PARN: variants seen among roughly 807,000 people sequenced by gnomAD.
PARN encodes the protein poly(A)-specific ribonuclease PARN.
PARN carries 71 observed loss-of-function variants against 102.8 expected under a neutral mutation model. The ratio of observed to expected loss-of-function variants is 0.69; its 90% CI spans 0.57 to 0.84. PARN has a LOEUF of 0.84. Among genes scored for constraint, PARN ranks in the 40% least tolerant of loss-of-function variants. PARN has a pLI of 0.00. For missense variants in PARN, 782 were observed against 760.9 expected (o/e 1.03, Z -0.33); for synonymous variants, 261 against 252.9 (o/e 1.03, Z -0.30).
chr16:14,618,924 G>A (rs980242749), intron 5 of PARN, among the ~76,000 whole-genome samples: 5 of 152,076 alleles, frequency 3.3e-5, no homozygotes, highest in African/African-American at 4.8e-5. Context: ...AACCAGGCAC[G>A]GTGGCTCGCA....
In PARN at chr16:14,629,632, T is replaced by C. The variant is rs764800350; in HGVS notation, c.62A>G (p.Glu21Gly). The C allele has an allele frequency of 2.5e-6, 4 of 1,613,612 alleles. No individual in the cohort carries two copies. The South Asian group carries it at 4.4e-5, about 18-fold the overall frequency. ...NLHKVYQAIE[E>G]ADFFAIDGEF... ...CCCATCGATGGCGAAGAAGTCGGCC[T>C]CCTCTATGGCCTGGTACACTTTGTG... Residue 21 changes from glutamate to glycine, a missense_variant, in exon 2 of 24, where the codon GAG becomes GGG. By Grantham distance (98) the Glu-to-Gly change is moderately conservative (BLOSUM62 -2). Transcript: ENST00000437198.
chr16:14,599,103 C>T (rs1046479289), intron 12 of PARN, among the ~76,000 whole-genome samples: 4 of 130,062 alleles, frequency 3.1e-5, no homozygotes, highest in Non-Finnish European at 4.6e-5. Context: ...GGTGCAATGG[C>T]GTGATCACAG....
Position 14,606,532 on chromosome 16 carries a change from GA to G in PARN, c.660-7del. 2 of 1,544,150 alleles carry G rather than the reference GA, an allele frequency of 1.3e-6. No homozygotes were observed. Among genetic ancestry groups the G allele is most frequent in the Non-Finnish European group, 1.8e-6 (2 of 1,128,026 alleles). ...CATGAATGCCTTTCGGATACCTAAA[GA>G]AAAGAAAAACATAGTATCAGTAGAT... On this transcript the variant is annotated splice_polypyrimidine_tract_variant and splice_region_variant and intron_variant, in intron 9 of 23. Coordinates refer to ENST00000437198, the MANE Select transcript of PARN (RefSeq NM_002582.4).
At chr16:14,581,723 C>A (rs770223715) in intron 17 of PARN, among the ~76,000 whole-genome samples, 9 of 152,094 alleles carry the variant, frequency 5.9e-5, no homozygotes, top group Non-Finnish European at 1.2e-4. Flanking sequence ...AATTCTAGAT[C>A]AGCCTGGTTA....
chr16:14,491,754 A>G (rs533837175), intron 21 of PARN, among the ~76,000 whole-genome samples: 2 of 152,326 alleles, frequency 1.3e-5, no homozygotes, highest in South Asian at 4.1e-4. Context: ...CCTGCGCAAG[A>G]GAGTAAGACC....
At chr16:14,520,147 A>G (rs1172183983) in intron 21 of PARN, among the ~76,000 whole-genome samples, 5 of 152,228 alleles carry the variant, frequency 3.3e-5, no homozygotes, top group African/African-American at 1.2e-4. Context: ...TACAATCAGT[A>G]AAGTTCAGAC....
chr16:14,583,644 G>T (rs1159977197), intron 16 of PARN, among the ~76,000 whole-genome samples: 1 of 152,056 alleles, frequency 6.6e-6, no homozygotes, highest in East Asian at 1.9e-4. Context: ...TGTAATCTTG[G>T]CTGCTTTAAT....
At chr16:14,582,649 C>T (rs1969603598) in intron 16 of PARN, among the ~76,000 whole-genome samples, 1 of 151,826 alleles carries the variant, frequency 6.6e-6, no homozygotes, top group Non-Finnish European at 1.5e-5. Flanking sequence ...TTCCCTTATA[C>T]AAGATGGTCA....
At chr16:14,573,601 TC>T (rs1484910027) in intron 18 of PARN, among the ~76,000 whole-genome samples, 1 of 152,260 alleles carries the variant, frequency 6.6e-6, no homozygotes, top group African/African-American at 2.4e-5. Context: ...TTTGGCTATG[TC>T]CCCATCCAAA....
chr16:14,628,105 T>C, intron 3 of PARN, 67 bp downstream of exon 3: 1 of 929,246 alleles, frequency 1.1e-6, no homozygotes, highest in African/African-American at 1.6e-5. Flanking sequence ...TTAGTAACAA[T>C]ATTTATCATT....
intron 21 of PARN, among the ~76,000 whole-genome samples, chr16:14,497,227 T>C (rs1279542529): frequency 6.6e-6 from 1 of 151,912 alleles, no homozygotes; most frequent in Non-Finnish European, 1.5e-5. Flanking sequence ...AAGCCCTGCC[T>C]GACCTGAACT....
At chr16:14,612,886 C>A (rs149272385) in intron 6 of PARN, among the ~76,000 whole-genome samples, 1 of 151,642 alleles carries the variant, frequency 6.6e-6, no homozygotes, top group African/African-American at 2.4e-5. Context: ...CGTGAGCCAC[C>A]GCGCCCTACC....
chr16:14,618,203 G>A (rs1370896530), intron 5 of PARN, among the ~76,000 whole-genome samples: 3 of 152,044 alleles, frequency 2.0e-5, no homozygotes, highest in South Asian at 4.1e-4. Context: ...AATTAGCCGG[G>A]TGTGCCAGGC....
At chr16:14,576,323 G>A (rs540597735) in intron 18 of PARN, 1 of 152,278 alleles carries the variant, frequency 6.6e-6, no homozygotes, top group East Asian at 1.9e-4. Context: ...GTAAACTGCA[G>A]GCATCTAGCT....
At chr16:14,477,783 G>A (rs1194047472) in intron 22 of PARN, among the ~76,000 whole-genome samples, 1 of 151,292 alleles carries the variant, frequency 6.6e-6, no homozygotes, top group East Asian at 1.9e-4. Flanking sequence ...GTCGGAAAGG[G>A]AAAAGGGAAA....
chr16:14,608,353 C>A, intron 8 of PARN, 34 bp from the exon 9 acceptor site: 1 of 1,418,770 alleles, frequency 7.0e-7, no homozygotes, highest in East Asian at 2.5e-5. Context: ...TTGATTTTGG[C>A]TCATTAGAAG....
intron 5 of PARN, among the ~76,000 whole-genome samples, chr16:14,622,716 C>T (rs936483059): frequency 1.3e-5 from 2 of 152,172 alleles, no homozygotes; most frequent in Admixed American, 1.3e-4. Flanking sequence ...CCGTGTTAGC[C>T]AGGATGGTCT....
chr16:14,532,298 G>A (rs1966385896), intron 21 of PARN, among the ~76,000 whole-genome samples: 1 of 151,232 alleles, frequency 6.6e-6, no homozygotes, highest in Non-Finnish European at 1.5e-5. Flanking sequence ...AAGTTCTCTG[G>A]TTTTCCTAGG....
rs1960702240 is a variant in PARN at position 14,436,490 on chromosome 16, G to A, written c.*227C>T. The A allele has an allele frequency of 1.7e-6, 1 of 587,040 alleles. No individual in the cohort carries two copies. Among genetic ancestry groups the A allele is most frequent in the Non-Finnish European group, 3.0e-6 (1 of 329,956 alleles). 36.4% of individuals were successfully genotyped at this position (587,040 alleles called of 1,614,324 possible). ...GTTAAGCACGTACACATTCATGACA[G>A]CCTACAACCGTGATGAGTGTCAATG... On this transcript the variant is annotated 3_prime_UTR_variant, in exon 24 of 24. Coordinates refer to ENST00000437198, the MANE Select transcript of PARN (RefSeq NM_002582.4).
Sources: gnomAD v4.1 joint callset for allele counts (sites outside exome capture counted in the v4.1 genomes callset) on GRCh38, gnomAD v4.1.1 for gene constraint, MANE v1.5 for transcripts, NCBI Gene and HGNC (gene_info 2026-07-23, HGNC 2026-07-21) for gene names.